Variants in RIN2 observed in about 807,000 individuals in gnomAD.
RIN2 encodes the protein RAB5 interacting protein 2.
A neutral mutation model predicts 78.0 loss-of-function variants in RIN2; 36 were observed. The observed-to-expected ratio is 0.46, with a 90% confidence interval of 0.35 to 0.61. RIN2 has a LOEUF of 0.61. RIN2 is among the 20% of genes least tolerant of loss of function. The pLI, the probability that RIN2 is intolerant of heterozygous loss-of-function variation, is 0.00. For synonymous variants in RIN2, 466 were observed against 466.8 expected, an observed-to-expected ratio of 1.00 and a Z score of 0.02; for missense variants, 1,087 against 1,159.7, an observed-to-expected ratio of 0.94 and a Z score of 0.91.
At chr20:19,979,062 T>C (rs1273975979) in intron 9 of RIN2, among the ~76,000 whole-genome samples, 1 of 152,218 alleles carries the variant, frequency 6.6e-6, no homozygotes, top group African/African-American at 2.4e-5. Context: ...CCAACCAAAG[T>C]TTCTGGTAGA....
chr20:19,886,690 A>C, intron 2 of RIN2: 1 of 1,544,608 alleles, frequency 6.5e-7, no homozygotes, highest in Non-Finnish European at 8.7e-7. Flanking sequence ...CATTTTCTCA[A>C]GAATCCACTT....
chr20:19,955,131 C>T (rs1326833058), intron 4 of RIN2, among the ~76,000 whole-genome samples: 1 of 152,170 alleles, frequency 6.6e-6, no homozygotes, highest in African/African-American at 2.4e-5. Context: ...CCCCCATTCT[C>T]TGGAGCCCAC....
chr20:19,778,107 A>T (rs2034374350), intron 1 of RIN2, among the ~76,000 whole-genome samples: 1 of 152,248 alleles, frequency 6.6e-6, no homozygotes, highest in Non-Finnish European at 1.5e-5. Context: ...CAGAAGAGGT[A>T]ACTTTAGAAA....
intron 6 of RIN2, 112 bp from the exon 7 acceptor site, chr20:19,964,840 G>A (rs570149302): frequency 9.4e-5 from 81 of 862,292 alleles, no homozygotes; most frequent in Non-Finnish European, 1.4e-4. Context: ...TAAGCCACAC[G>A]GTAGTTTGTT....
intron 2 of RIN2, among the ~76,000 whole-genome samples, chr20:19,842,296 C>T (rs373646951): frequency 2.0e-5 from 3 of 150,160 alleles, no homozygotes; most frequent in African/African-American, 7.3e-5. Context: ...GATCTTGGCT[C>T]ACTGCAACCT....
chr20:19,895,275 T>C lies in RIN2; in HGVS notation c.57+5617T>C, dbSNP rs1270886381. ...TAACTCTGCCATAAGGGATTTGTTCTTTCCATTTGTCATCACGGCTATGAT... is the reference window on the plus strand; with the variant it reads ...TAACTCTGCCATAAGGGATTTGTTCCTTCCATTTGTCATCACGGCTATGAT... On this transcript the variant is annotated intron_variant, in intron 3 of 12. Coordinates refer to ENST00000255006, the MANE Select transcript of RIN2 (RefSeq NM_018993.4). Among the ~76,000 whole-genome samples the C allele has an allele frequency of 5.9e-5, 9 of 152,238 alleles. No individual in the cohort carries two copies. The East Asian group carries it at 1.7e-3, about 29-fold the overall frequency.
At chr20:19,962,408 G>A (rs1459915008) in intron 6 of RIN2, among the ~76,000 whole-genome samples, 4 of 152,098 alleles carry the variant, frequency 2.6e-5, no homozygotes, top group Admixed American at 6.6e-5. Flanking sequence ...TGGATGTGTT[G>A]GTCGGAAGCC....
chr20:19,964,898 T>A, intron 6 of RIN2, 54 bp from the exon 7 acceptor site: 1 of 1,488,018 alleles, frequency 6.7e-7, no homozygotes, highest in Admixed American at 1.7e-5. Flanking sequence ...GGGCTCTTCC[T>A]GTCCCAGAAC....
chr20:19,859,866 A>C (rs1449411861), intron 2 of RIN2, among the ~76,000 whole-genome samples: 1 of 152,190 alleles, frequency 6.6e-6, no homozygotes, highest in Non-Finnish European at 1.5e-5. Flanking sequence ...TCATGGATTC[A>C]AGTGCAAGTG....
chr20:19,995,960 C>G (rs1261148178), intron 11 of RIN2, among the ~76,000 whole-genome samples: 2 of 152,146 alleles, frequency 1.3e-5, no homozygotes, highest in African/African-American at 4.8e-5. Context: ...GACTTTCCCC[C>G]CACCTCCCCG....
At chr20:19,790,111 C>T (rs1013461007) in intron 1 of RIN2, among the ~76,000 whole-genome samples, 1 of 152,168 alleles carries the variant, frequency 6.6e-6, no homozygotes, top group Non-Finnish European at 1.5e-5. Flanking sequence ...TATAGACCAT[C>T]ATTTCCCTCG....
In RIN2 at chr20:19,956,245, A is replaced by G. The variant is rs541932748; in HGVS notation, c.159-370A>G. 1.4e-4 allele frequency among the ~76,000 whole-genome samples: 21 copies of G among 148,460 alleles called. No homozygotes were observed. The East Asian group carries it at 3.2e-3, about 22-fold the overall frequency. On this transcript the variant is annotated intron_variant, in intron 4 of 12. Transcript: ENST00000255006. ...TGCACTCCAGCCTGGGCAACAGAAT[A>G]AGACTCCATCTCAAAAAAAAAAAAA...
At chr20:19,815,473 C>T (rs1440008557) in intron 2 of RIN2, among the ~76,000 whole-genome samples, 1 of 152,214 alleles carries the variant, frequency 6.6e-6, no homozygotes, top group African/African-American at 2.4e-5. Context: ...TATGGAACTA[C>T]ATTGTGCATT....
At chr20:19,969,863 A>T (rs554025527) in intron 7 of RIN2, among the ~76,000 whole-genome samples, 5 of 152,390 alleles carry the variant, frequency 3.3e-5, no homozygotes, top group African/African-American at 1.2e-4. Flanking sequence ...TGTCTGTGTC[A>T]GGACAGTGTT....
chr20:19,988,660 A>C (rs1262542848), intron 9 of RIN2, among the ~76,000 whole-genome samples: 3 of 152,208 alleles, frequency 2.0e-5, no homozygotes, highest in East Asian at 1.9e-4. Flanking sequence ...AGTATTAGCC[A>C]AGAAAGCTAC....
At chr20:19,771,785 G>A (rs1169930118) in intron 1 of RIN2, among the ~76,000 whole-genome samples, 5 of 151,822 alleles carry the variant, frequency 3.3e-5, no homozygotes, top group Non-Finnish European at 7.4e-5. Context: ...TTTCTAAATT[G>A]CTTTCACAAC....
At chr20:19,791,076 C>T (rs1368147643) in intron 1 of RIN2, among the ~76,000 whole-genome samples, 1 of 152,138 alleles carries the variant, frequency 6.6e-6, no homozygotes, top group Non-Finnish European at 1.5e-5. Context: ...TCAGATGGCC[C>T]ACAAAGAAAA....
intron 2 of RIN2, among the ~76,000 whole-genome samples, chr20:19,830,577 G>A (rs1769608768): frequency 6.6e-6 from 1 of 152,210 alleles, no homozygotes; most frequent in African/African-American, 2.4e-5. Flanking sequence ...CAGTTTCCAG[G>A]ACTCTCAATG....
intron 2 of RIN2, among the ~76,000 whole-genome samples, chr20:19,806,831 G>T (rs530949292): frequency 5.0e-4 from 68 of 136,794 alleles, no homozygotes; most frequent in South Asian, 3.8e-3. Context: ...CCAGGAGCTC[G>T]AGGCTACAGT....
Sources: allele counts gnomAD v4.1 joint callset (sites outside exome capture counted in the v4.1 genomes callset), GRCh38; gene constraint gnomAD v4.1.1; transcripts MANE v1.5; gene names NCBI Gene and HGNC (gene_info 2026-07-23, HGNC 2026-07-21).